Variants in P3H2 observed in about 807,000 individuals in gnomAD.
P3H2 encodes the protein prolyl 3-hydroxylase 2.
In P3H2, 80 loss-of-function variants were observed where a neutral mutation model predicts 87.0. That is an observed-to-expected ratio of 0.92 (90% confidence interval 0.77 to 1.11). The LOEUF (loss-of-function observed/expected upper bound fraction) is 1.11, where lower values mean the gene tolerates loss of function less well. Ranked by LOEUF, P3H2 falls within the 50% of genes least tolerant of loss-of-function variation. The probability of loss-of-function intolerance (pLI) is 0.00; values close to 1 mark genes in which losing one functional copy is unlikely to be tolerated. For missense variants in P3H2, 1,001 were observed against 923.9 expected, an observed-to-expected ratio of 1.08 and a Z score of -1.08; for synonymous variants, 367 against 359.3, an observed-to-expected ratio of 1.02 and a Z score of -0.24.
At chr3:189,999,386 G>C (rs892829560) in intron 1 of P3H2, among the ~76,000 whole-genome samples, 3 of 152,212 alleles carry the variant, frequency 2.0e-5, no homozygotes, top group African/African-American at 7.2e-5. Flanking sequence ...AGAATTTGCT[G>C]CCAGGGTCTA....
intron 1 of P3H2, among the ~76,000 whole-genome samples, chr3:190,046,122 CAAAAA>C (rs62695060): frequency 4.2e-5 from 5 of 118,032 alleles, no homozygotes; most frequent in Non-Finnish European, 3.5e-5. Flanking sequence ...GACTCCATCT[CAAAAA>C]AAAAAAAAAA....
chr3:190,053,703 G>C (rs7355899), intron 1 of P3H2, among the ~76,000 whole-genome samples: 4,017 of 151,896 alleles, frequency 0.026, 192 homozygotes, highest in African/African-American at 0.093. Flanking sequence ...GGTGATCCAC[G>C]CGCCTCGGCC....
At chr3:189,966,073 GGAAA>G (rs1302000040) in intron 13 of P3H2, among the ~76,000 whole-genome samples, 1 of 112,592 alleles carries the variant, frequency 8.9e-6, no homozygotes, top group East Asian at 2.7e-4. Flanking sequence ...AGAGAAAGAA[GGAAA>G]GAAAGGAAGA....
intron 1 of P3H2, among the ~76,000 whole-genome samples, chr3:190,070,485 G>A (rs537235360): frequency 1.1e-4 from 17 of 152,194 alleles, no homozygotes; most frequent in African/African-American, 4.1e-4. Flanking sequence ...TCCTTCATGA[G>A]GGTATCCAGG....
At position 190,018,209 on chromosome 3, in the gene P3H2, C is replaced by T. The variant is rs554190571; in HGVS notation, c.481-22767G>A. ...CATCATTGTGGTCTACCTTGATGAA[C>T]TAATCACTCACATTTGCCACTAATT... On this transcript the variant is annotated intron_variant, in intron 1 of 14. Coordinates refer to ENST00000319332, the MANE Select transcript of P3H2 (RefSeq NM_018192.4). 2.2e-4 allele frequency among the ~76,000 whole-genome samples: 34 copies of T among 152,332 alleles called. No individual in the cohort carries two copies. In the South Asian group the frequency reaches 5.4e-3, roughly 24 times the overall value.
chr3:190,082,188 G>A (rs1338516235), intron 1 of P3H2, among the ~76,000 whole-genome samples: 1 of 152,110 alleles, frequency 6.6e-6, no homozygotes, highest in Admixed American at 6.6e-5. Context: ...CCCGGTAGAC[G>A]GAAGTTGCAG....
At chr3:190,116,940 TAGTG>T (rs1712311602) in intron 1 of P3H2, among the ~76,000 whole-genome samples, 1 of 141,026 alleles carries the variant, frequency 7.1e-6, no homozygotes, top group Non-Finnish European at 1.5e-5. Flanking sequence ...ATGAAAGATG[TAGTG>T]AGTATCTGTT....
intron 1 of P3H2, among the ~76,000 whole-genome samples, chr3:190,065,440 T>C (rs1726465559): frequency 6.6e-6 from 1 of 152,126 alleles, no homozygotes; most frequent in Non-Finnish European, 1.5e-5. Context: ...ACCCAACACC[T>C]CTTGAACTTT....
At chr3:189,994,754 A>AT (rs1723995561) in intron 2 of P3H2, among the ~76,000 whole-genome samples, 1 of 143,950 alleles carries the variant, frequency 6.9e-6, no homozygotes, top group African/African-American at 2.5e-5. Flanking sequence ...GATGTCAAAA[A>AT]TTAAAAAAAA....
chr3:190,078,398 G>A (rs1004091745), intron 1 of P3H2, among the ~76,000 whole-genome samples: 3 of 152,020 alleles, frequency 2.0e-5, no homozygotes, highest in African/African-American at 4.8e-5. Flanking sequence ...AAACTTACAG[G>A]TTACTATTAA....
At chr3:189,967,264 T>C (rs979975488) in intron 13 of P3H2, among the ~76,000 whole-genome samples, 1 of 151,798 alleles carries the variant, frequency 6.6e-6, no homozygotes, top group Non-Finnish European at 1.5e-5. Flanking sequence ...CAGTTTTAGT[T>C]TTTTTAGGGG....
At chr3:190,010,003 A>G (rs1278779414) in intron 1 of P3H2, among the ~76,000 whole-genome samples, 1 of 152,170 alleles carries the variant, frequency 6.6e-6, no homozygotes, top group Non-Finnish European at 1.5e-5. Flanking sequence ...GATGACTAGG[A>G]GCCTAAGTCC....
At position 189,974,075 on chromosome 3, in the gene P3H2, C is replaced by G. The variant is rs910226596; in HGVS notation, c.1453-71G>C. 11 of 1,304,194 alleles carry G rather than the reference C, an allele frequency of 8.4e-6. No individual in the cohort carries two copies. In the African/African-American group the frequency reaches 1.2e-4, roughly 14 times the overall value. 80.8% of individuals were successfully genotyped at this position (1,304,194 alleles called of 1,614,324 possible). ...TTCATCAGGTCTTTTTCTGCTTTGG[C>G]TGCCAGAAAGCTGAGAACTCTAGTC... On this transcript the variant is annotated intron_variant, in intron 9 of 14. Transcript: ENST00000319332.
chr3:190,038,562 C>T (rs1221771884), intron 1 of P3H2, among the ~76,000 whole-genome samples: 1 of 149,006 alleles, frequency 6.7e-6, no homozygotes, highest in Non-Finnish European at 1.5e-5. Context: ...AAGCTGATGA[C>T]TTTTTAGTTC....
chr3:189,958,146 T>C (rs755785466), intron 14 of P3H2, 142 bp from the exon 15 acceptor site: 6 of 702,042 alleles, frequency 8.5e-6, no homozygotes, highest in Admixed American at 2.0e-5. Flanking sequence ...CTCCTCTTCA[T>C]CCCCAGACAG....
chr3:190,039,872 G>C (rs1725554742), intron 1 of P3H2, among the ~76,000 whole-genome samples: 1 of 152,166 alleles, frequency 6.6e-6, no homozygotes, highest in Non-Finnish European at 1.5e-5. Flanking sequence ...GGTGTTCAGA[G>C]TATTGATGGA....
intron 14 of P3H2, among the ~76,000 whole-genome samples, chr3:189,958,642 T>TC (rs1277361030): frequency 2.7e-5 from 4 of 146,458 alleles, no homozygotes; most frequent in Non-Finnish European, 4.5e-5. Flanking sequence ...AGTAACAACC[T>TC]CCCCCACCAA....
chr3:189,967,090 G>T (rs1723027891), intron 13 of P3H2, among the ~76,000 whole-genome samples: 1 of 152,020 alleles, frequency 6.6e-6, no homozygotes, highest in African/African-American at 2.4e-5. Flanking sequence ...TGTTGTTGCT[G>T]GTACTAGAAT....
At chr3:190,049,092 T>C (rs1359445482) in intron 1 of P3H2, among the ~76,000 whole-genome samples, 1 of 152,130 alleles carries the variant, frequency 6.6e-6, no homozygotes, top group Non-Finnish European at 1.5e-5. Context: ...GTTTTCTAGA[T>C]ATAAAACTAC....
Sources: gnomAD v4.1 joint callset for allele counts (sites outside exome capture counted in the v4.1 genomes callset) on GRCh38, gnomAD v4.1.1 for gene constraint, MANE v1.5 for transcripts, NCBI Gene and HGNC (gene_info 2026-07-23, HGNC 2026-07-21) for gene names.